ACOT7: variants seen among roughly 807,000 people sequenced by gnomAD.
ACOT7 encodes cytosolic acyl coenzyme A thioester hydrolase.
A neutral mutation model predicts 40.2 loss-of-function variants in ACOT7; 12 were observed. That is an observed-to-expected ratio of 0.30 (90% CI 0.19 to 0.48). The LOEUF (loss-of-function observed/expected upper bound fraction) is 0.48. ACOT7 is among the 20% of genes least tolerant of loss of function. ACOT7 has a pLI of 0.99. For synonymous variants in ACOT7, 228 were observed against 219.5 expected, an observed-to-expected ratio of 1.04 and a Z score of -0.34; for missense variants, 395 against 530.8, an observed-to-expected ratio of 0.74 and a Z score of 2.51.
chr1:6,368,047 G>A (rs372336212), intron 1 of ACOT7, among the ~76,000 whole-genome samples: 2 of 152,024 alleles, frequency 1.3e-5, no homozygotes, highest in African/African-American at 4.8e-5. Context: ...GGTTTTTATG[G>A]GCCTCAGAGT....
chr1:6,327,724 G>A (rs7545051), intron 4 of ACOT7, among the ~76,000 whole-genome samples: 10,592 of 152,124 alleles, frequency 0.07, 867 homozygotes, highest in African/African-American at 0.2. Flanking sequence ...TCTATTTAAC[G>A]TAATTTTTGT....
At chr1:6,292,665 GTTTT>G (rs150589690) in intron 7 of ACOT7, among the ~76,000 whole-genome samples, 3,838 of 140,098 alleles carry the variant, frequency 0.027, 127 homozygotes, top group African/African-American at 0.079. Flanking sequence ...TGGGGACTTT[GTTTT>G]TTTTTTGTTT....
At chr1:6,385,587 C>A in intron 1 of ACOT7, 1 of 1,612,268 alleles carries the variant, frequency 6.2e-7, no homozygotes, top group Non-Finnish European at 8.5e-7. Context: ...CCCCACACAT[C>A]CCTGGCCAGC....
chr1:6,390,310 C>G (rs1173042162), intron 1 of ACOT7, among the ~76,000 whole-genome samples: 2 of 152,224 alleles, frequency 1.3e-5, no homozygotes, highest in Admixed American at 1.3e-4. Flanking sequence ...GTGGCTCATG[C>G]CTGTAATTCT....
At chr1:6,374,063 A>T (rs149142697) in intron 1 of ACOT7, among the ~76,000 whole-genome samples, 15 of 152,304 alleles carry the variant, frequency 9.8e-5, no homozygotes, top group African/African-American at 2.6e-4. Context: ...TGGCAAATGC[A>T]TTGGGCTTGT....
chr1:6,373,694 G>A (rs1436304798), intron 1 of ACOT7, among the ~76,000 whole-genome samples: 2 of 151,974 alleles, frequency 1.3e-5, no homozygotes, highest in African/African-American at 2.4e-5. Flanking sequence ...GTGAAACCCC[G>A]TCTCTACTAA....
intron 2 of ACOT7, among the ~76,000 whole-genome samples, chr1:6,341,667 G>A (rs1461003655): frequency 1.3e-5 from 2 of 152,182 alleles, no homozygotes; most frequent in African/African-American, 4.8e-5. Context: ...GCGTGAACCC[G>A]GGAGGCGGAG....
chr1:6,372,641 C>G (rs1021170083), intron 1 of ACOT7, among the ~76,000 whole-genome samples: 1 of 151,338 alleles, frequency 6.6e-6, no homozygotes, highest in Non-Finnish European at 1.5e-5. Flanking sequence ...ACCTCCACCT[C>G]TGGGTTCAAG....
At position 6,333,614 on chromosome 1, in the gene ACOT7, G is replaced by A. The variant is rs767691842; in HGVS notation, c.419-46C>T. The A allele has an allele frequency of 9.4e-6, 15 of 1,596,052 alleles. 1 individual carries two copies. Among genetic ancestry groups the A allele is most frequent in the South Asian group, 3.3e-5 (3 of 90,614 alleles). On this transcript the variant is annotated intron_variant, in intron 3 of 8. Coordinates refer to ENST00000361521, the MANE Select transcript of ACOT7 (RefSeq NM_007274.4). ...TTAAGTGACGCCCGGGAGACGGGGTGGGAATGTGAGCGTCCAGGCACGTGG... is the reference window on the plus strand; with the variant it reads ...TTAAGTGACGCCCGGGAGACGGGGTAGGAATGTGAGCGTCCAGGCACGTGG...
chr1:6,326,445 G>A (rs939519432), intron 5 of ACOT7, among the ~76,000 whole-genome samples: 2 of 152,234 alleles, frequency 1.3e-5, no homozygotes, highest in African/African-American at 4.8e-5. Flanking sequence ...ACCCTGACAT[G>A]AGAGCAAGAG....
At chr1:6,267,350 C>G (rs11121546) in intron 8 of ACOT7, among the ~76,000 whole-genome samples, 1 of 152,172 alleles carries the variant, frequency 6.6e-6, no homozygotes, top group Non-Finnish European at 1.5e-5. Context: ...GCGGAGCCAA[C>G]GCCACCAGCT....
At chr1:6,305,520 T>C (rs1305484152) in intron 6 of ACOT7, among the ~76,000 whole-genome samples, 1 of 137,006 alleles carries the variant, frequency 7.3e-6, no homozygotes, top group Non-Finnish European at 1.6e-5. Flanking sequence ...GACGGGGCGG[T>C]TGCCAGGCAG....
intron 8 of ACOT7, among the ~76,000 whole-genome samples, chr1:6,268,255 TAA>T (rs748479349): frequency 1.4e-4 from 22 of 152,116 alleles, no homozygotes; most frequent in Non-Finnish European, 2.8e-4. Flanking sequence ...GTAAAGCTGT[TAA>T]AAGAGAAAAC....
At chr1:6,272,609 T>C (rs846103) in intron 8 of ACOT7, among the ~76,000 whole-genome samples, 150,580 of 152,326 alleles carry the variant, frequency 0.99, 74,435 homozygotes, top group Middle Eastern at 1. Flanking sequence ...CACCTTTGCT[T>C]GCAGGGCTCA....
chr1:6,306,302 C>A lies in ACOT7; in HGVS notation c.713-11322G>T. 2.0e-6 allele frequency: 2 copies of A among 985,232 alleles called. No homozygotes were observed. The highest frequency in any genetic ancestry group is 2.4e-6 in the Non-Finnish European group (2 of 829,894). 61.0% of individuals were successfully genotyped at this position (985,232 alleles called of 1,614,324 possible). A position where few individuals can be genotyped will look rare whatever the true frequency, so the allele number is the denominator to read the frequency against. On this transcript the variant is annotated intron_variant, in intron 6 of 8. Transcript: ENST00000361521. This position sits in a 1 kb window ranked among gnomAD's most constrained non-coding sequence, Gnocchi z 4.3. ...CCATATTTCTGGAAAGGGGTCAGTG[C>A]CCCATGATTTGAGAGGGATGACGTG...
chr1:6,294,958 A>G lies in ACOT7; in HGVS notation c.735T>C (p.Asp245=), dbSNP rs867443511. The G allele has an allele frequency of 1.5e-5, 24 of 1,613,954 alleles. No individual in the cohort carries two copies. In the Middle Eastern group the frequency reaches 3.6e-3, roughly 244 times the overall value. ...VHGGVTMKLM[D]EVAGIVAARH... ...GTGCAGCCACGATCCCGGCGACCTC[A>G]TCCATGAGCTTCATGGTCACACCTG... The change falls in exon 7 of 9, where the codon GAT becomes GAC. Residue 245 remains aspartate, a synonymous_variant. Transcript: ENST00000361521. The surrounding 1 kb of genome is among the most constrained non-coding windows in gnomAD (Gnocchi z 4.6).
intron 1 of ACOT7, among the ~76,000 whole-genome samples, chr1:6,384,399 C>T (rs986478609): frequency 1.3e-5 from 2 of 151,868 alleles, no homozygotes; most frequent in African/African-American, 4.8e-5. Flanking sequence ...ATCCTTTTTA[C>T]ACTGCTGGTG....
chr1:6,348,972 T>C (rs190618231), intron 2 of ACOT7, among the ~76,000 whole-genome samples: 38 of 152,316 alleles, frequency 2.5e-4, no homozygotes, highest in Non-Finnish European at 4.6e-4. Flanking sequence ...TCTGCCTCCC[T>C]GGAGGCCACA....
At chr1:6,287,991 G>A (rs1016621141) in intron 7 of ACOT7, among the ~76,000 whole-genome samples, 16 of 152,060 alleles carry the variant, frequency 1.1e-4, no homozygotes, top group Admixed American at 6.5e-5. Flanking sequence ...TTCTCACCAA[G>A]TGCTTCCAAA....
Sources: allele counts gnomAD v4.1 joint callset (sites outside exome capture counted in the v4.1 genomes callset), GRCh38; gene constraint gnomAD v4.1.1; non-coding constraint Gnocchi (gnomAD v3.1); transcripts MANE v1.5; gene names NCBI Gene and HGNC (gene_info 2026-07-23, HGNC 2026-07-21).